Variants in RAD51B observed in about 807,000 individuals in gnomAD.
The protein encoded by RAD51B is RAD51 paralog B.
RAD51B carries 38 observed loss-of-function variants against 42.2 expected under a neutral mutation model. The ratio of observed to expected loss-of-function variants is 0.90; its 90% CI spans 0.70 to 1.18. The LOEUF is 1.18. RAD51B is among the 50% of genes most tolerant of loss of function. The pLI is 0.00. For synonymous variants in RAD51B, 154 were observed against 145.2 expected (o/e 1.06, Z -0.43); for missense variants, 373 against 400.7 (o/e 0.93, Z 0.59).
intron 5 of RAD51B, among the ~76,000 whole-genome samples, chr14:67,874,404 G>A (rs986722973): frequency 6.8e-6 from 1 of 147,354 alleles, no homozygotes; most frequent in South Asian, 2.1e-4. Flanking sequence ...TTCTTAAAGC[G>A]TTATGACTTT....
chr14:67,981,297 A>G (rs1280918764), intron 7 of RAD51B, among the ~76,000 whole-genome samples: 1 of 152,248 alleles, frequency 6.6e-6, no homozygotes, highest in Non-Finnish European at 1.5e-5. Flanking sequence ...AATAAAATTA[A>G]GAAGACTAAC....
At chr14:67,848,818 C>T (rs535939225) in intron 4 of RAD51B, among the ~76,000 whole-genome samples, 11 of 152,148 alleles carry the variant, frequency 7.2e-5, no homozygotes, top group South Asian at 2.1e-4. Context: ...TCTGAGAAGA[C>T]GAGATAAATT....
At chr14:68,316,064 CAGTTT>C (rs775764761) in intron 8 of RAD51B, among the ~76,000 whole-genome samples, 14 of 152,100 alleles carry the variant, frequency 9.2e-5, no homozygotes, top group Non-Finnish European at 2.1e-4. Flanking sequence ...CTCATTGAGA[CAGTTT>C]AGGTATTGAT....
chr14:68,137,302 G>A (rs1034967778), intron 7 of RAD51B, among the ~76,000 whole-genome samples: 6 of 152,190 alleles, frequency 3.9e-5, no homozygotes, highest in African/African-American at 1.4e-4. Flanking sequence ...AGTACAAGCT[G>A]TGTGTAACTT....
intron 7 of RAD51B, among the ~76,000 whole-genome samples, chr14:67,951,450 C>T (rs1035265327): frequency 3.3e-5 from 5 of 152,134 alleles, no homozygotes; most frequent in African/African-American, 1.2e-4. Context: ...AGGCAACTGC[C>T]TTTAGACTTT....
intron 10 of RAD51B, among the ~76,000 whole-genome samples, chr14:68,648,094 TATATATATATACACACAC>T (rs1298955300): frequency 3.3e-4 from 8 of 24,264 alleles, no homozygotes; most frequent in African/African-American, 5.1e-4. Flanking sequence ...TACGTGTGTG[TATATATATATACACACAC>T]GTATATATAT....
At chr14:67,907,461 G>C (rs552728862) in intron 7 of RAD51B, among the ~76,000 whole-genome samples, 3 of 151,976 alleles carry the variant, frequency 2.0e-5, no homozygotes, top group African/African-American at 7.3e-5. Flanking sequence ...TTCAGATAAG[G>C]ACTTGTTTCT....
intron 9 of RAD51B, among the ~76,000 whole-genome samples, chr14:68,434,458 C>T (rs1339133234): frequency 2.0e-5 from 3 of 152,360 alleles, no homozygotes; most frequent in Non-Finnish European, 4.4e-5. Context: ...TGCCTCTCCC[C>T]CAGCCTCGCT....
At chr14:68,366,069 T>C (rs191086978) in intron 8 of RAD51B, among the ~76,000 whole-genome samples, 2 of 152,192 alleles carry the variant, frequency 1.3e-5, no homozygotes, top group Admixed American at 1.3e-4. Flanking sequence ...TAGTTATTCT[T>C]GACTTTAATA....
chr14:68,611,297 C>A (rs1184887707), exon 11 of RAD51B: 1 of 699,398 alleles, frequency 1.4e-6, no homozygotes, highest in Non-Finnish European at 2.6e-6. Flanking sequence ...TAACATCCGA[C>A]AGCAACTATA....
chr14:68,122,757 T>C (rs557832482), intron 7 of RAD51B, among the ~76,000 whole-genome samples: 3 of 152,346 alleles, frequency 2.0e-5, no homozygotes, highest in Non-Finnish European at 2.9e-5. Context: ...TCAATACTTA[T>C]AATAGCAGAG....
At chr14:68,100,998 A>C (rs1393416588) in intron 7 of RAD51B, among the ~76,000 whole-genome samples, 1 of 152,232 alleles carries the variant, frequency 6.6e-6, no homozygotes, top group Non-Finnish European at 1.5e-5. Flanking sequence ...CAGTCATGGC[A>C]GAAGGGGAAG....
intron 8 of RAD51B, among the ~76,000 whole-genome samples, chr14:68,362,540 G>A (rs2083047147): frequency 6.6e-6 from 1 of 152,064 alleles, no homozygotes; most frequent in South Asian, 2.1e-4. Context: ...AAAAGAGTAA[G>A]CACCAGACCT....
intron 7 of RAD51B, among the ~76,000 whole-genome samples, chr14:68,193,716 A>G (rs922774419): frequency 1.3e-5 from 2 of 152,208 alleles, no homozygotes; most frequent in East Asian, 1.9e-4. Flanking sequence ...TGATATACCT[A>G]ATCTCATTCA....
chr14:68,159,650 T>C (rs1234781597), intron 7 of RAD51B, among the ~76,000 whole-genome samples: 1 of 152,006 alleles, frequency 6.6e-6, no homozygotes, highest in Non-Finnish European at 1.5e-5. Context: ...AAGTATATGC[T>C]TGGACCCTGA....
At chr14:67,895,230 G>A (rs144996620) in intron 7 of RAD51B, among the ~76,000 whole-genome samples, 7 of 152,266 alleles carry the variant, frequency 4.6e-5, no homozygotes, top group East Asian at 1.9e-4. Context: ...GTTACTTTAC[G>A]TATGTTACAC....
At chr14:67,886,439 T>C (rs1368938745) in intron 6 of RAD51B, among the ~76,000 whole-genome samples, 1 of 152,108 alleles carries the variant, frequency 6.6e-6, no homozygotes, top group Non-Finnish European at 1.5e-5. Flanking sequence ...CTCCCTAATA[T>C]AGTTGTTGGA....
chr14:67,847,326 CTTTTTTTTT>C (rs60032578), intron 4 of RAD51B, among the ~76,000 whole-genome samples: 7 of 105,636 alleles, frequency 6.6e-5, no homozygotes, highest in East Asian at 6.6e-4. Flanking sequence ...TTGGTTTGTT[CTTTTTTTTT>C]TTTTTTTTTT....
intron 4 of RAD51B, among the ~76,000 whole-genome samples, chr14:67,855,151 G>A (rs574044744): frequency 3.3e-5 from 5 of 152,098 alleles, no homozygotes; most frequent in Non-Finnish European, 7.4e-5. Flanking sequence ...ACCTGCCTTG[G>A]CCTCCCAAAG....
Sources: gnomAD v4.1 joint callset for allele counts (sites outside exome capture counted in the v4.1 genomes callset) on GRCh38, gnomAD v4.1.1 for gene constraint, MANE v1.5 for transcripts, NCBI Gene and HGNC (gene_info 2026-07-23, HGNC 2026-07-21) for gene names.